Variants in CD70 observed in about 807,000 individuals in gnomAD.
CD70 encodes CD70 antigen.
In CD70, 6 loss-of-function variants were observed where a neutral mutation model predicts 9.0. The observed-to-expected ratio is 0.67, with a 90% confidence interval of 0.37 to 1.32. The LOEUF (loss-of-function observed/expected upper bound fraction) is 1.32, where lower values mean the gene tolerates loss of function less well. Among genes scored for constraint, CD70 ranks in the 40% most tolerant of loss-of-function variants. The probability of loss-of-function intolerance (pLI) is 0.02; values close to 1 mark genes in which losing one functional copy is unlikely to be tolerated. For synonymous variants in CD70, 108 were observed against 112.3 expected, an observed-to-expected ratio of 0.96 and a Z score of 0.24; for missense variants, 235 against 258.7, an observed-to-expected ratio of 0.91 and a Z score of 0.63.
Position 6,590,623 on chromosome 19 carries a change from A to G in CD70, c.162+218T>C, listed in dbSNP as rs902682251. Reference sequence around the variant, plus strand: ...TCATCTTCCATTTCCATGTGTGCCTACCTTTCCCATCCCGGGATCTCCCTG... The same window carrying G: ...TCATCTTCCATTTCCATGTGTGCCTGCCTTTCCCATCCCGGGATCTCCCTG... On this transcript the variant is annotated intron_variant, in intron 1 of 2. Transcript: ENST00000245903. The surrounding 1 kb of genome is among the most constrained non-coding windows in gnomAD (Gnocchi z 5.3). Among the ~76,000 whole-genome samples the G allele has an allele frequency of 7.2e-5, 11 of 151,992 alleles. No homozygotes were observed. In the East Asian group the frequency reaches 2.1e-3, roughly 30 times the overall value.
chr19:6,587,493 AGT>A (rs1326833374), intron 2 of CD70, among the ~76,000 whole-genome samples: 1 of 151,792 alleles, frequency 6.6e-6, no homozygotes, highest in Non-Finnish European at 1.5e-5. Flanking sequence ...TGCCTGAGAG[AGT>A]GAGACAGACA....
At chr19:6,585,206 A>T (rs905423538), downstream of CD70, among the ~76,000 whole-genome samples, 3 of 151,782 alleles carry the variant, frequency 2.0e-5, no homozygotes, top group Non-Finnish European at 4.4e-5. Context: ...CTGGTCTCGA[A>T]CTCCTGATTT....
chr19:6,590,886 C>A lies in CD70; in HGVS notation c.117G>T (p.Gln39His). 6.2e-7 allele frequency: 1 copy of A among 1,614,110 alleles called. No individual in the cohort carries two copies. Among genetic ancestry groups the A allele is most frequent in the East Asian group, 2.2e-5 (1 of 44,872 alleles). The change falls in exon 1 of 3, where the codon CAG becomes CAT. Residue 39 changes from glutamine to histidine, a missense_variant. Gln to His is a conservative substitution (Grantham distance 24). Transcript: ENST00000245903. This position sits in a 1 kb window ranked among gnomAD's most constrained non-coding sequence, Gnocchi z 5.3. ...GLVICLVVCI[Q>H]RFAQAQQQLP... ...GCTGCTGCTGAGCCTGTGCGAAGCG[C>A]TGGATGCACACCACGAGGCAGATCA...
chr19:6,582,158 C>T (rs1915929539), downstream of CD70, among the ~76,000 whole-genome samples: 1 of 151,248 alleles, frequency 6.6e-6, no homozygotes, highest in African/African-American at 2.4e-5. Flanking sequence ...GCCTCCAAGT[C>T]GCGGGGACTA....
chr19:6,591,055 G>A lies in CD70; in HGVS notation c.-53C>T. On this transcript the variant is annotated 5_prime_UTR_variant, in exon 1 of 3. Transcript: ENST00000245903. ...AGGAGGGGCGATGGGGGCGCGGAGCGCTGCCGAGAAGGAAGGAAGGAAACT... is the reference window on the plus strand; with the variant it reads ...AGGAGGGGCGATGGGGGCGCGGAGCACTGCCGAGAAGGAAGGAAGGAAACT... The A allele has an allele frequency of 6.5e-7, 1 of 1,530,292 alleles. No individual in the cohort carries two copies. The highest frequency in any genetic ancestry group is 8.8e-7 in the Non-Finnish European group (1 of 1,140,612). The allele number at this position is 1,530,292 out of a possible 1,614,324, so 94.8% of individuals were successfully genotyped here.
At chr19:6,584,875 G>C (rs1599449693), downstream of CD70, among the ~76,000 whole-genome samples, 1 of 152,008 alleles carries the variant, frequency 6.6e-6, no homozygotes, top group African/African-American at 2.4e-5. Context: ...TTTCAGTAGA[G>C]GTGAGGTTTC....
Position 6,590,902 on chromosome 19 carries a change from A to C in CD70, c.101T>G (p.Leu34Arg), listed in dbSNP as rs1599454240. Residue 34 changes from leucine to arginine, a missense_variant, in exon 1 of 3, where the codon CTC (leucine) becomes CGC (arginine). Leu to Arg is a moderately radical substitution (Grantham distance 102). Coordinates refer to ENST00000245903, the MANE Select transcript of CD70 (RefSeq NM_001252.5). The surrounding 1 kb of genome is among the most constrained non-coding windows in gnomAD (Gnocchi z 5.3). ...TGCGAAGCGCTGGATGCACACCACG[A>C]GGCAGATCACCAAGCCCGCGACCAA... ...VPLVAGLVIC[L>R]VVCIQRFAQA... 1 of 1,614,100 alleles carries C rather than the reference A, an allele frequency of 6.2e-7. No homozygotes were observed. Among genetic ancestry groups the C allele is most frequent in the East Asian group, 2.2e-5 (1 of 44,870 alleles).
chr19:6,587,227 A>AGTGT (rs1916044203), intron 2 of CD70, among the ~76,000 whole-genome samples: 1 of 141,570 alleles, frequency 7.1e-6, no homozygotes, highest in East Asian at 2.2e-4. Context: ...AGAGTGTGAG[A>AGTGT]GAGAGGACGA....
Position 6,585,939 on chromosome 19 carries a change from G to T in CD70, c.*81C>A. The T allele has an allele frequency of 9.2e-7, 1 of 1,084,062 alleles. No individual in the cohort carries two copies. Among genetic ancestry groups the T allele is most frequent in the Non-Finnish European group, 1.3e-6 (1 of 765,728 alleles). 67.2% of individuals were successfully genotyped at this position (1,084,062 alleles called of 1,614,324 possible). On this transcript the variant is annotated 3_prime_UTR_variant, in exon 3 of 3. Coordinates refer to ENST00000245903, the MANE Select transcript of CD70 (RefSeq NM_001252.5). ...CACCACACTCCCACCCCAACCCCGG[G>T]TGGCCCCTGTGTGTACACTTTTTCT... is the stretch of plus-strand genomic sequence containing the variant.
downstream of CD70, among the ~76,000 whole-genome samples, chr19:6,582,099 G>A (rs1447795492): frequency 1.3e-5 from 2 of 150,294 alleles, no homozygotes; most frequent in South Asian, 4.2e-4. Context: ...GCTCGATCTC[G>A]GCTCACTGCA....
Position 6,586,069 on chromosome 19 carries a change from G to A in CD70, c.533C>T (p.Ser178Phe). ...AAAGAAGGTCTCATCAGTGTTTCGG[G>A]AAGGCAAAAGTGTCCCAGTGAGGTT... The part of the protein sequence containing the change: ...CTNLTGTLLP[S>F]RNTDETFFGV... Residue 178 changes from serine (S) to phenylalanine (F), a missense_variant, in exon 3 of 3, where the codon TCC becomes TTC. Coordinates refer to ENST00000245903, the MANE Select transcript of CD70 (RefSeq NM_001252.5). 6.2e-7 allele frequency: 1 copy of A among 1,614,098 alleles called. No individual in the cohort carries two copies. The highest frequency in any genetic ancestry group is 8.5e-7 in the Non-Finnish European group (1 of 1,179,946).
intron 2 of CD70, among the ~76,000 whole-genome samples, chr19:6,587,213 C>CGAGAGA (rs142923593): frequency 1.6e-5 from 2 of 123,846 alleles, no homozygotes; most frequent in Non-Finnish European, 3.4e-5. Flanking sequence ...CATGAGACAG[C>CGAGAGA]GAGAGAGTGT....
chr19:6,584,623 A>G (rs10419121), downstream of CD70, among the ~76,000 whole-genome samples: 56,767 of 148,192 alleles, frequency 0.38, 11,081 homozygotes, highest in East Asian at 0.68. Flanking sequence ...ACTTGGGGAG[A>G]CCGAGGCGGG....
downstream of CD70, chr19:6,583,327 A>G (rs867302400): frequency 1.0e-5 from 7 of 699,534 alleles, no homozygotes; most frequent in Middle Eastern, 1.6e-3. Flanking sequence ...TGTTTTCCTC[A>G]TCTGTGAAAT....
At chr19:6,582,740 C>T (rs1915943341), downstream of CD70, among the ~76,000 whole-genome samples, 1 of 152,146 alleles carries the variant, frequency 6.6e-6, no homozygotes, top group Non-Finnish European at 1.5e-5. Flanking sequence ...ATATGTGCCA[C>T]ATTTTCTTAA....
chr19:6,585,859 A>G lies in CD70; in HGVS notation c.*161T>C, dbSNP rs1916002866. ...CCAGCTGATTTTTGTATTTTTTAAT[A>G]GGAAAATGAAAGAAAAAGCTCAATG... On this transcript the variant is annotated 3_prime_UTR_variant, in exon 3 of 3. Transcript: ENST00000245903. 1.7e-6 allele frequency: 1 copy of G among 571,446 alleles called. No homozygotes were observed. The highest frequency in any genetic ancestry group is 2.9e-5 in the East Asian group (1 of 34,350). The allele number at this position is 571,446 out of a possible 1,614,324, so 35.4% of individuals were successfully genotyped here. A position where few individuals can be genotyped will look rare whatever the true frequency, so the allele number is the denominator to read the frequency against.
downstream of CD70, among the ~76,000 whole-genome samples, chr19:6,584,276 G>A (rs939023572): frequency 6.6e-6 from 1 of 151,798 alleles, no homozygotes; most frequent in East Asian, 2.0e-4. Flanking sequence ...TTGGGAGGCC[G>A]AGGCGGGTGG....
At chr19:6,585,345 A>G (rs1915992920), downstream of CD70, among the ~76,000 whole-genome samples, 1 of 113,050 alleles carries the variant, frequency 8.8e-6, no homozygotes, top group Non-Finnish European at 1.9e-5. Context: ...GAGAAAACAG[A>G]ACTTTTTTTT....
chr19:6,589,849 T>TC (rs1465258422), intron 2 of CD70, among the ~76,000 whole-genome samples: 1 of 56,020 alleles, frequency 1.8e-5, no homozygotes, highest in African/African-American at 5.0e-5. Context: ...TCTTCTCCTG[T>TC]CCCGTCTGTC....
Sources: allele counts gnomAD v4.1 joint callset (sites outside exome capture counted in the v4.1 genomes callset), GRCh38; gene constraint gnomAD v4.1.1; non-coding constraint Gnocchi (gnomAD v3.1); transcripts MANE v1.5; gene names NCBI Gene and HGNC (gene_info 2026-07-23, HGNC 2026-07-21).